Variants in KRABD5 observed in about 807,000 individuals in gnomAD.
KRABD5 encodes KRAB domain containing 5, also known as KRAB domain-containing protein 5.
the KRABD5 span, chr16:31,754,673 A>G: frequency 6.5e-6 from 3 of 458,874 alleles, no homozygotes; most frequent in African/African-American, 6.0e-5. Flanking sequence ...ATCAAAACAT[A>G]CTCAGCCTCA....
the KRABD5 span, among the ~76,000 whole-genome samples, chr16:31,735,806 C>G: frequency 6.6e-6 from 1 of 152,086 alleles, no homozygotes; most frequent in African/African-American, 2.4e-5. Flanking sequence ...TTCTTATATA[C>G]TCAATATTAA....
the KRABD5 span, chr16:31,733,696 G>T: frequency 2.2e-6 from 1 of 448,854 alleles, no homozygotes; most frequent in Non-Finnish European, 4.5e-6. Context: ...TGTCCTCAAG[G>T]TTTGTCCTTA....
chr16:31,735,869 C>G, the KRABD5 span, among the ~76,000 whole-genome samples: 2 of 152,156 alleles, frequency 1.3e-5, no homozygotes, highest in African/African-American at 4.8e-5. Flanking sequence ...TCTAGGTTGT[C>G]TCTTCACTCT....
At chr16:31,719,070 C>T in the KRABD5 span, among the ~76,000 whole-genome samples, 6 of 152,204 alleles carry the variant, frequency 3.9e-5, no homozygotes, top group Non-Finnish European at 7.3e-5. Flanking sequence ...CAATTGCTTC[C>T]ATTTCATATG....
the KRABD5 span, among the ~76,000 whole-genome samples, chr16:31,721,063 A>G: frequency 6.6e-6 from 1 of 152,204 alleles, no homozygotes; most frequent in Non-Finnish European, 1.5e-5. Flanking sequence ...AAAATTCTAA[A>G]ATATAACAGC....
At chr16:31,738,803 T>C in the KRABD5 span, among the ~76,000 whole-genome samples, 1 of 152,178 alleles carries the variant, frequency 6.6e-6, no homozygotes, top group African/African-American at 2.4e-5. Flanking sequence ...TGTAATGACA[T>C]GTTTTAATTC....
chr16:31,747,317 A>G, the KRABD5 span, among the ~76,000 whole-genome samples: 5 of 151,830 alleles, frequency 3.3e-5, no homozygotes, highest in Admixed American at 3.3e-4. Flanking sequence ...AAGGACATGA[A>G]CTCATCCTTT....
the KRABD5 span, among the ~76,000 whole-genome samples, chr16:31,752,733 GGT>G: frequency 1.3e-5 from 2 of 152,022 alleles, no homozygotes; most frequent in Non-Finnish European, 2.9e-5. Context: ...CAGATGTGAT[GGT>G]GTGTTTTTGT....
At chr16:31,740,143 A>G in the KRABD5 span, among the ~76,000 whole-genome samples, 1 of 152,032 alleles carries the variant, frequency 6.6e-6, no homozygotes, top group Admixed American at 6.5e-5. Flanking sequence ...CCCACTCCAC[A>G]TGCTATATTT....
At chr16:31,713,407 C>G in the KRABD5 span, 1 of 1,603,900 alleles carries the variant, frequency 6.2e-7, no homozygotes, top group South Asian at 1.1e-5. Context: ...GTAGCTCAGA[C>G]GCCAGGACAT....
chr16:31,728,829 G>A, the KRABD5 span, among the ~76,000 whole-genome samples: 1 of 152,152 alleles, frequency 6.6e-6, no homozygotes, highest in Admixed American at 6.5e-5. Flanking sequence ...GTAGTGCACT[G>A]CTTTCTTAAT....
At chr16:31,735,711 T>C in the KRABD5 span, among the ~76,000 whole-genome samples, 1 of 152,242 alleles carries the variant, frequency 6.6e-6, no homozygotes, top group African/African-American at 2.4e-5. Flanking sequence ...GCCATTTGTA[T>C]GTCTTCTTTT....
the KRABD5 span, among the ~76,000 whole-genome samples, chr16:31,723,526 C>T: frequency 6.6e-6 from 1 of 152,178 alleles, no homozygotes; most frequent in Non-Finnish European, 1.5e-5. Context: ...GTCTCATATT[C>T]TTAAATTATC....
the KRABD5 span, among the ~76,000 whole-genome samples, chr16:31,733,199 G>C: frequency 1.3e-5 from 2 of 151,590 alleles, no homozygotes; most frequent in Non-Finnish European, 2.9e-5. Flanking sequence ...CCTCTACTTT[G>C]TTCATGACTT....
At chr16:31,727,559 A>G in the KRABD5 span, among the ~76,000 whole-genome samples, 1 of 152,222 alleles carries the variant, frequency 6.6e-6, no homozygotes, top group African/African-American at 2.4e-5. Context: ...ATTTTTTGGA[A>G]GAATTTGAGA....
chr16:31,754,479 A>G, the KRABD5 span: 1 of 643,488 alleles, frequency 1.6e-6, no homozygotes. Flanking sequence ...AATAAATCTG[A>G]TACAACATTA....
chr16:31,748,939 G>C, the KRABD5 span, among the ~76,000 whole-genome samples: 4 of 152,174 alleles, frequency 2.6e-5, no homozygotes, highest in Admixed American at 6.5e-5. Flanking sequence ...CACCCTGTTG[G>C]GTGGCACATG....
the KRABD5 span, among the ~76,000 whole-genome samples, chr16:31,724,430 G>C: frequency 1.3e-5 from 2 of 152,128 alleles, no homozygotes; most frequent in Admixed American, 6.5e-5. Flanking sequence ...GCTCACGCCT[G>C]TAATCCCAGC....
At chr16:31,743,060 C>A in the KRABD5 span, among the ~76,000 whole-genome samples, 23 of 152,148 alleles carry the variant, frequency 1.5e-4, no homozygotes, top group African/African-American at 5.5e-4. Flanking sequence ...GGATATTAGA[C>A]CTTTGTCAGA....
Sources: allele counts gnomAD v4.1 joint callset (sites outside exome capture counted in the v4.1 genomes callset), GRCh38; gene constraint gnomAD v4.1.1; transcripts MANE v1.5; gene names NCBI Gene and HGNC (gene_info 2026-07-23, HGNC 2026-07-21).